RPGRIP1L: variants seen among roughly 807,000 people sequenced by gnomAD.
RPGRIP1L encodes RPGRIP1 like.
Under a neutral mutation model 160.4 loss-of-function variants are expected in RPGRIP1L, and 131 were observed. The ratio of observed to expected loss-of-function variants is 0.82; its 90% confidence interval spans 0.71 to 0.94. The LOEUF (loss-of-function observed/expected upper bound fraction) is 0.94. Ranked by LOEUF, RPGRIP1L falls within the 40% of genes least tolerant of loss-of-function variation. RPGRIP1L has a pLI of 0.00. For missense variants in RPGRIP1L, 1,522 were observed against 1,535.8 expected (o/e 0.99, Z 0.15); for synonymous variants, 510 against 515.8 (o/e 0.99, Z 0.15).
intron 22 of RPGRIP1L, among the ~76,000 whole-genome samples, chr16:53,627,387 C>A (rs1473363935): frequency 1.3e-5 from 2 of 152,142 alleles, no homozygotes; most frequent in Admixed American, 6.5e-5. Flanking sequence ...ACATTTCAAA[C>A]ATGATAAAGT....
chr16:53,698,072 G>A (rs1171029198), intron 2 of RPGRIP1L, among the ~76,000 whole-genome samples: 3 of 151,870 alleles, frequency 2.0e-5, no homozygotes, highest in African/African-American at 4.8e-5. Context: ...TGGGAGGTGA[G>A]GAGCATCTCT....
In RPGRIP1L at chr16:53,687,045, C is replaced by G. The variant is rs573819725; in HGVS notation, c.633-469G>C. Among the ~76,000 whole-genome samples the G allele has an allele frequency of 2.6e-5, 4 of 152,204 alleles. No homozygotes were observed. In the South Asian group the frequency reaches 8.3e-4, roughly 32 times the overall value. ...CTGGCAGCATCACACTGTAATGAGT[C>G]TCAGGAACCGGTATAAACGTTGGCT... On this transcript the variant is annotated intron_variant, in intron 5 of 26. Transcript: ENST00000647211.
chr16:53,682,427 C>T (rs1254441073), intron 6 of RPGRIP1L, among the ~76,000 whole-genome samples: 1 of 152,072 alleles, frequency 6.6e-6, no homozygotes, highest in East Asian at 1.9e-4. Flanking sequence ...AAAGTATGTA[C>T]CCTTGTCTAT....
chr16:53,617,073 CAAA>C (rs397945611), intron 24 of RPGRIP1L, among the ~76,000 whole-genome samples: 11 of 21,846 alleles, frequency 5.0e-4, no homozygotes, highest in African/African-American at 2.5e-3. Flanking sequence ...CCTTGCATCA[CAAA>C]AAAAAAAAAA....
chr16:53,677,712 A>G (rs1969293977), intron 6 of RPGRIP1L, among the ~76,000 whole-genome samples: 1 of 152,210 alleles, frequency 6.6e-6, no homozygotes, highest in Admixed American at 6.5e-5. Flanking sequence ...TGTTGTAGGC[A>G]ACACGGAGCT....
At chr16:53,642,727 C>T (rs961243072) in intron 17 of RPGRIP1L, among the ~76,000 whole-genome samples, 1 of 152,184 alleles carries the variant, frequency 6.6e-6, no homozygotes, top group East Asian at 1.9e-4. Flanking sequence ...TCATCTTACC[C>T]TTTCTCCCCC....
chr16:53,656,366 A>T (rs922271435), intron 14 of RPGRIP1L, 106 bp downstream of exon 14: 20 of 840,972 alleles, frequency 2.4e-5, no homozygotes, highest in Non-Finnish European at 2.7e-5. Context: ...AATTAGGCGT[A>T]AACACAGCAA....
chr16:53,631,738 C>T (rs939676869), intron 22 of RPGRIP1L, among the ~76,000 whole-genome samples: 4 of 152,176 alleles, frequency 2.6e-5, no homozygotes, highest in Non-Finnish European at 1.5e-5. Context: ...CCCCCACACT[C>T]GCCATTAATT....
At position 53,686,546 on chromosome 16, in the gene RPGRIP1L, C is replaced by A. The variant is rs776104875; in HGVS notation, c.663G>T (p.Gln221His). ...CAGCCAAGTGCTCTAACTCCTCTAT[C>A]TGGCCTCTTTGTGACTGAATAACGT... ...LENVIQSQRG[Q>H]IEELEHLAEI... The change falls in exon 6 of 27, where the codon CAG becomes CAT. Residue 221 changes from glutamine to histidine, a missense_variant. Transcript: ENST00000647211. 67 of 1,613,582 alleles carry A rather than the reference C, an allele frequency of 4.2e-5. No individual in the cohort carries two copies. Among genetic ancestry groups the A allele is most frequent in the Non-Finnish European group, 5.6e-5 (66 of 1,179,768 alleles).
intron 10 of RPGRIP1L, among the ~76,000 whole-genome samples, chr16:53,661,696 T>A (rs1436737763): frequency 6.6e-6 from 1 of 152,206 alleles, no homozygotes. Context: ...GTTTTCCTTT[T>A]CTTTCAATTT....
intron 16 of RPGRIP1L, among the ~76,000 whole-genome samples, chr16:53,648,611 C>T (rs1311183327): frequency 6.7e-5 from 6 of 89,910 alleles, no homozygotes; most frequent in East Asian, 7.5e-4. Flanking sequence ...TACGTACGCG[C>T]GTGCGCGCGC....
intron 22 of RPGRIP1L, among the ~76,000 whole-genome samples, chr16:53,623,856 G>T (rs1297828863): frequency 1.3e-5 from 2 of 152,170 alleles, no homozygotes; most frequent in Non-Finnish European, 1.5e-5. Context: ...AATATTTAAT[G>T]AAATAGTGGA....
At chr16:53,640,973 TATA>T in intron 19 of RPGRIP1L, 57 bp downstream of exon 19, 1 of 1,177,864 alleles carries the variant, frequency 8.5e-7, no homozygotes, top group Non-Finnish European at 1.3e-6. Flanking sequence ...AATATGCCTA[TATA>T]ATTTATTTCA....
At chr16:53,653,658 T>TGGAA (rs1378247624) in intron 14 of RPGRIP1L, 2 of 152,252 alleles carry the variant, frequency 1.3e-5, no homozygotes, top group Non-Finnish European at 1.5e-5. Flanking sequence ...TGGACTTCCA[T>TGGAA]GTATGTCATC....
At chr16:53,606,674 C>A (rs10445023) in intron 25 of RPGRIP1L, among the ~76,000 whole-genome samples, 1 of 151,936 alleles carries the variant, frequency 6.6e-6, no homozygotes, top group South Asian at 2.1e-4. Flanking sequence ...AGTGAAGTGG[C>A]GCAATCTTGG....
chr16:53,696,358 T>C, intron 2 of RPGRIP1L, 63 bp from the exon 3 acceptor site: 1 of 1,541,484 alleles, frequency 6.5e-7, no homozygotes, highest in Non-Finnish European at 9.0e-7. Flanking sequence ...AAACTCTTGA[T>C]ATTAATATAA....
intron 22 of RPGRIP1L, among the ~76,000 whole-genome samples, chr16:53,626,905 T>G (rs13336420): frequency 2.1e-4 from 32 of 152,086 alleles, no homozygotes; most frequent in African/African-American, 6.0e-4. Context: ...AGATGGACAC[T>G]ATGTGTTATG....
chr16:53,656,440 T>C, intron 14 of RPGRIP1L, 32 bp downstream of exon 14: 2 of 1,334,922 alleles, frequency 1.5e-6, no homozygotes, highest in Non-Finnish European at 2.2e-6. Flanking sequence ...TTCCTCTAGT[T>C]ACTGTGGACC....
rs113083177 is a variant in RPGRIP1L at position 53,622,363 on chromosome 16, CAA to C, written c.3295-9_3295-8del. The C allele has an allele frequency of 0.017, 7,298 of 421,426 alleles. No homozygotes were observed. Among genetic ancestry groups the C allele is most frequent in the South Asian group, 0.035 (1,040 of 29,510 alleles). The allele number at this position is 421,426 out of a possible 1,614,324, so 26.1% of individuals were successfully genotyped here. A position where few individuals can be genotyped will look rare whatever the true frequency, so the allele number is the denominator to read the frequency against. ...CGGGAGACAATGCGAGACTCTGTCT[CAA>C]AAAAAAAAAAAAAATCTTAAGATTA... is the stretch of plus-strand genomic sequence containing the variant. On this transcript the variant is annotated splice_polypyrimidine_tract_variant and splice_region_variant and intron_variant, in intron 22 of 26. Transcript: ENST00000647211.
Sources: allele counts gnomAD v4.1 joint callset (sites outside exome capture counted in the v4.1 genomes callset), GRCh38; gene constraint gnomAD v4.1.1; transcripts MANE v1.5; gene names NCBI Gene and HGNC (gene_info 2026-07-23, HGNC 2026-07-21).